Variants in PTK2 observed in about 807,000 individuals in gnomAD.
PTK2 encodes the protein focal adhesion kinase 1.
PTK2 carries 45 observed loss-of-function variants against 150.1 expected under a neutral mutation model. The ratio of observed to expected loss-of-function variants is 0.30; its 90% CI spans 0.24 to 0.38. The LOEUF (loss-of-function observed/expected upper bound fraction) is 0.38, where lower values mean the gene tolerates loss of function less well. Ranked by LOEUF, PTK2 falls within the 10% of genes least tolerant of loss-of-function variation. The pLI is 1.00. For synonymous variants in PTK2, 432 were observed against 449.2 expected (o/e 0.96, Z 0.48); for missense variants, 919 against 1,307.3 (o/e 0.70, Z 4.58).
chr8:140,794,759 A>G (rs1416989569), intron 12 of PTK2, among the ~76,000 whole-genome samples: 1 of 152,102 alleles, frequency 6.6e-6, no homozygotes, highest in African/African-American at 2.4e-5. Flanking sequence ...TCACACCTGT[A>G]TCTCTTAACC....
chr8:140,731,120 G>A (rs556355609), intron 22 of PTK2, among the ~76,000 whole-genome samples: 3 of 151,764 alleles, frequency 2.0e-5, no homozygotes, highest in Non-Finnish European at 2.9e-5. Context: ...CCACCACGCC[G>A]GGCTAATTTT....
At chr8:140,821,393 T>G (rs974807031) in intron 8 of PTK2, 8 of 152,228 alleles carry the variant, frequency 5.3e-5, no homozygotes, top group Non-Finnish European at 1.2e-4. Flanking sequence ...TGGGCACTTT[T>G]GGGACATTTG....
chr8:140,949,503 C>T (rs1293544483), intron 1 of PTK2, among the ~76,000 whole-genome samples: 1 of 152,240 alleles, frequency 6.6e-6, no homozygotes, highest in African/African-American at 2.4e-5. Context: ...CTCACAGGCT[C>T]CTGGCCTCTC....
intron 1 of PTK2, among the ~76,000 whole-genome samples, chr8:140,991,164 T>C (rs75429330): frequency 7.6e-4 from 116 of 152,358 alleles, no homozygotes; most frequent in Admixed American, 5.6e-3. Flanking sequence ...GGCAAAAGAA[T>C]GTATTGAATT....
chr8:140,757,118 C>G (rs909853349), intron 16 of PTK2, among the ~76,000 whole-genome samples: 1 of 152,080 alleles, frequency 6.6e-6, no homozygotes, highest in Non-Finnish European at 1.5e-5. Flanking sequence ...CTGCTATTAC[C>G]TGTGTTTAAG....
At chr8:140,733,172 C>T (rs1456085202) in intron 22 of PTK2, among the ~76,000 whole-genome samples, 1 of 152,096 alleles carries the variant, frequency 6.6e-6, no homozygotes, top group Non-Finnish European at 1.5e-5. Context: ...AGGAGTGAAG[C>T]ATGACTCCAA....
intron 28 of PTK2, among the ~76,000 whole-genome samples, chr8:140,675,168 CTT>C (rs772090005): frequency 1.4e-4 from 19 of 138,268 alleles, no homozygotes; most frequent in Admixed American, 2.2e-4. Flanking sequence ...GCATTTCTTT[CTT>C]TTTTTTTTTT....
At chr8:140,871,860 C>T (rs1383324540) in intron 4 of PTK2, among the ~76,000 whole-genome samples, 1 of 152,102 alleles carries the variant, frequency 6.6e-6, no homozygotes, top group Non-Finnish European at 1.5e-5. Context: ...GCCTGTTTAA[C>T]AAGGCAAGAC....
At chr8:140,997,206 A>C (rs925212557) in intron 1 of PTK2, among the ~76,000 whole-genome samples, 1 of 152,234 alleles carries the variant, frequency 6.6e-6, no homozygotes, top group African/African-American at 2.4e-5. Context: ...CTGCAATCTC[A>C]TGATAAAACT....
chr8:140,744,584 A>G, intron 19 of PTK2, 68 bp downstream of exon 22: 1 of 1,036,244 alleles, frequency 9.7e-7, no homozygotes, highest in Non-Finnish European at 1.4e-6. Flanking sequence ...AGACGGTCCA[A>G]ATGGGTCCCT....
At chr8:140,702,222 C>T (rs1227599561) in intron 25 of PTK2, among the ~76,000 whole-genome samples, 56 of 123,762 alleles carry the variant, frequency 4.5e-4, no homozygotes, top group African/African-American at 1.5e-3. Context: ...TATTTATTAC[C>T]TTTTTTTTTT....
chr8:140,835,175 C>T (rs1317791246), intron 7 of PTK2, among the ~76,000 whole-genome samples: 1 of 152,224 alleles, frequency 6.6e-6, no homozygotes, highest in Non-Finnish European at 1.5e-5. Context: ...TCCACAAATT[C>T]ATAACACAGC....
intron 14 of PTK2, chr8:140,770,787 C>T (rs554685014): frequency 1.1e-5 from 15 of 1,330,064 alleles, no homozygotes; most frequent in African/African-American, 3.0e-5. Flanking sequence ...TTTATGTTGG[C>T]AGTGACTGAC....
intron 1 of PTK2, among the ~76,000 whole-genome samples, chr8:140,963,054 G>A (rs2154609443): frequency 6.6e-6 from 1 of 152,158 alleles, no homozygotes; most frequent in South Asian, 2.1e-4. Flanking sequence ...TTTGGCCCAC[G>A]TGCTATAGTT....
intron 1 of PTK2, among the ~76,000 whole-genome samples, chr8:140,947,707 A>G (rs2100178167): frequency 6.6e-6 from 1 of 152,092 alleles, no homozygotes; most frequent in Non-Finnish European, 1.5e-5. Context: ...ATTAAAGAGG[A>G]GCTACACGCA....
intron 7 of PTK2, among the ~76,000 whole-genome samples, chr8:140,836,648 T>A (rs2100118807): frequency 1.3e-5 from 2 of 152,162 alleles, no homozygotes; most frequent in African/African-American, 4.8e-5. Flanking sequence ...TGAAAACAAG[T>A]ACAGCGATAA....
At chr8:140,983,859 A>G (rs2100192351) in intron 1 of PTK2, 1 of 152,268 alleles carries the variant, frequency 6.6e-6, no homozygotes, top group African/African-American at 2.4e-5. Context: ...AAAGCGTTTA[A>G]TAAGACCAAG....
intron 2 of PTK2, among the ~76,000 whole-genome samples, chr8:140,915,526 T>A (rs79103365): frequency 0.011 from 1,621 of 152,198 alleles, 30 homozygotes; most frequent in East Asian, 0.095. Context: ...GCTAAACACA[T>A]GGAAGACCCA....
chr8:140,854,214 T>C (rs1338183399), intron 5 of PTK2, among the ~76,000 whole-genome samples: 1 of 152,246 alleles, frequency 6.6e-6, no homozygotes, highest in Admixed American at 6.5e-5. Flanking sequence ...GACATACTCA[T>C]TCTAAGTCTT....
Sources: allele counts gnomAD v4.1 joint callset (sites outside exome capture counted in the v4.1 genomes callset), GRCh38; gene constraint gnomAD v4.1.1; transcripts MANE v1.5; gene names NCBI Gene and HGNC (gene_info 2026-07-23, HGNC 2026-07-21).